Variants in NDST4 observed in about 807,000 individuals in gnomAD.
NDST4 encodes N-heparan sulfate sulfotransferase 4.
NDST4 carries 63 observed loss-of-function variants against 100.8 expected under a neutral mutation model. The ratio of observed to expected loss-of-function variants is 0.62; its 90% confidence interval spans 0.51 to 0.77. The LOEUF is 0.77. Ranked by LOEUF, NDST4 falls within the 30% of genes least tolerant of loss-of-function variation. The pLI, the probability that NDST4 is intolerant of heterozygous loss-of-function variation, is 0.00. For missense variants in NDST4, 943 were observed against 1,018.4 expected, an observed-to-expected ratio of 0.93 and a Z score of 1.01; for synonymous variants, 377 against 361.8, an observed-to-expected ratio of 1.04 and a Z score of -0.48.
At chr4:114,946,972 TG>T (rs1339249538) in intron 4 of NDST4, among the ~76,000 whole-genome samples, 3 of 152,254 alleles carry the variant, frequency 2.0e-5, no homozygotes, top group East Asian at 1.9e-4. Flanking sequence ...GTTTTTTTTT[TG>T]TTGGTCGATT....
At chr4:115,106,446 G>A (rs1444187086) in intron 1 of NDST4, among the ~76,000 whole-genome samples, 1 of 152,010 alleles carries the variant, frequency 6.6e-6, no homozygotes, top group East Asian at 1.9e-4. Context: ...TAACCCTCCA[G>A]GACCAAAATC....
At chr4:114,831,320 G>A (rs1341632549) in intron 12 of NDST4, among the ~76,000 whole-genome samples, 1 of 152,038 alleles carries the variant, frequency 6.6e-6, no homozygotes, top group Non-Finnish European at 1.5e-5. Flanking sequence ...CCAAAGTGCT[G>A]GGATTACAGG....
Position 115,022,188 on chromosome 4 carries a change from A to G in NDST4, c.979-44914T>C, listed in dbSNP as rs182174580. 6.8e-4 allele frequency among the ~76,000 whole-genome samples: 102 copies of G among 150,688 alleles called. 2 individuals carry two copies. In the East Asian group the frequency reaches 0.019, roughly 29 times the overall value. The stretch of plus-strand genomic sequence containing the variant: ...CACGTTCCACGTCTATGCACGTTCC[A>G]TATATATACACGTTCCACGTCTATG... On this transcript the variant is annotated intron_variant, in intron 2 of 13. Transcript: ENST00000264363.
chr4:115,089,287 C>T (rs1291665533), intron 1 of NDST4, among the ~76,000 whole-genome samples: 1 of 151,850 alleles, frequency 6.6e-6, no homozygotes, highest in Non-Finnish European at 1.5e-5. Flanking sequence ...TGGAAGGATG[C>T]TCAACAAAAT....
intron 4 of NDST4, among the ~76,000 whole-genome samples, chr4:114,963,404 A>G (rs947342449): frequency 2.0e-5 from 3 of 152,016 alleles, no homozygotes; most frequent in Non-Finnish European, 4.4e-5. Flanking sequence ...CAAAAAGTAA[A>G]TTAGTTATTT....
intron 2 of NDST4, among the ~76,000 whole-genome samples, chr4:115,047,279 A>G (rs773398571): frequency 1.6e-4 from 24 of 152,088 alleles, no homozygotes; most frequent in African/African-American, 5.1e-4. Context: ...CAGTCAATAT[A>G]TTTATTTTAA....
chr4:115,010,430 G>A lies in NDST4; in HGVS notation c.979-33156C>T, dbSNP rs559543284. 1.1e-4 allele frequency among the ~76,000 whole-genome samples: 14 copies of A among 127,886 alleles called. 3 individuals are homozygous for A. In the South Asian group the frequency reaches 1.2e-3, roughly 11 times the overall value. The allele number at this position is 127,886 out of a possible 152,430, so 83.9% of individuals were successfully genotyped here. On this transcript the variant is annotated intron_variant, in intron 2 of 13. Coordinates refer to ENST00000264363, the MANE Select transcript of NDST4 (RefSeq NM_022569.3). ...AAATCATCATTCTCAGTAAGCTATC[G>A]CAAGAACAAAAAAACAAACACCGCA...
At chr4:114,829,665 A>C in intron 13 of NDST4, 125 bp downstream of exon 13, 2 of 609,994 alleles carry the variant, frequency 3.3e-6, no homozygotes, top group Non-Finnish European at 5.6e-6. Context: ...TCATCCTCTA[A>C]GTATATAAAA....
chr4:114,892,614 A>T (rs1724623309), intron 6 of NDST4, among the ~76,000 whole-genome samples: 1 of 151,902 alleles, frequency 6.6e-6, no homozygotes, highest in Non-Finnish European at 1.5e-5. Context: ...CTCATTAATT[A>T]TTTGTGTGTG....
intron 2 of NDST4, among the ~76,000 whole-genome samples, chr4:115,075,475 G>A (rs1729158281): frequency 2.6e-5 from 4 of 152,038 alleles, no homozygotes; most frequent in African/African-American, 9.7e-5. Context: ...GTTCTAGCTG[G>A]GATGGGAAAG....
intron 2 of NDST4, among the ~76,000 whole-genome samples, chr4:114,980,418 G>C (rs2126245755): frequency 6.6e-6 from 1 of 152,268 alleles, no homozygotes; most frequent in African/African-American, 2.4e-5. Flanking sequence ...GAGGCAGGTG[G>C]ATCTTTTGAG....
Position 115,061,413 on chromosome 4 carries a change from C to T in NDST4, c.978+14646G>A, listed in dbSNP as rs143410033. Among the ~76,000 whole-genome samples, 536 of 152,120 alleles carry T rather than the reference C, an allele frequency of 3.5e-3. 6 individuals are homozygous for T. The highest frequency in any genetic ancestry group is 0.012 in the African/African-American group (511 of 41,480). ...GATAGGCTGGATAAAGAAAATGTGG[C>T]ACATATACACCATGGAATACTATGC... is the stretch of plus-strand genomic sequence containing the variant. On this transcript the variant is annotated intron_variant, in intron 2 of 13. Transcript: ENST00000264363.
chr4:114,906,189 A>T lies in NDST4; in HGVS notation c.1536+29017T>A, dbSNP rs556181658. Among the ~76,000 whole-genome samples the T allele has an allele frequency of 9.2e-5, 14 of 152,136 alleles. No homozygotes were observed. In the South Asian group the frequency reaches 1.9e-3, roughly 20 times the overall value. On this transcript the variant is annotated intron_variant, in intron 6 of 13. Coordinates refer to ENST00000264363, the MANE Select transcript of NDST4 (RefSeq NM_022569.3). Reference sequence around the variant, plus strand: ...TTGCCTCATTTAGGAATTCTATATTAAAAAAACAAGGGAGAAAGATTGAAA... The same window carrying T: ...TTGCCTCATTTAGGAATTCTATATTTAAAAAACAAGGGAGAAAGATTGAAA...
intron 2 of NDST4, among the ~76,000 whole-genome samples, chr4:115,045,223 C>G (rs1728439523): frequency 6.6e-6 from 1 of 151,890 alleles, no homozygotes; most frequent in Non-Finnish European, 1.5e-5. Flanking sequence ...TTGTCTATGG[C>G]ATAAAATGAT....
chr4:115,018,246 G>T (rs1300420025), intron 2 of NDST4, among the ~76,000 whole-genome samples: 1 of 151,882 alleles, frequency 6.6e-6, no homozygotes, highest in Non-Finnish European at 1.5e-5. Context: ...TAATTTCCAA[G>T]TGTCCTTAAA....
At chr4:114,999,518 A>G (rs528904470) in intron 2 of NDST4, among the ~76,000 whole-genome samples, 7 of 152,264 alleles carry the variant, frequency 4.6e-5, no homozygotes, top group African/African-American at 1.7e-4. Context: ...TTAAAAGTTT[A>G]TTATAATTCT....
intron 4 of NDST4, 132 bp downstream of exon 4, chr4:114,970,298 A>G (rs1726481884): frequency 1.4e-5 from 10 of 738,316 alleles, no homozygotes; most frequent in Non-Finnish European, 2.1e-5. Flanking sequence ...ATGTACCCTC[A>G]ATACATGTGA....
rs1018281964 is a variant in NDST4 at position 114,894,687 on chromosome 4, C to A, written c.1537-23737G>T. Among the ~76,000 whole-genome samples, 7 of 152,168 alleles carry A rather than the reference C, an allele frequency of 4.6e-5. No homozygotes were observed. In the East Asian group the frequency reaches 1.3e-3, roughly 29 times the overall value. The stretch of plus-strand genomic sequence containing the variant: ...AATACACAATCATGTCATCTGCAAA[C>A]AGAGACAACCTGACTTCCTCTCTTC... On this transcript the variant is annotated intron_variant, in intron 6 of 13. Coordinates refer to ENST00000264363, the MANE Select transcript of NDST4 (RefSeq NM_022569.3).
chr4:114,947,353 A>G (rs1473596848), intron 4 of NDST4, among the ~76,000 whole-genome samples: 1 of 152,204 alleles, frequency 6.6e-6, no homozygotes, highest in East Asian at 1.9e-4. Flanking sequence ...AGGTTGAATA[A>G]GGAGGAAAGC....
Sources: gnomAD v4.1 joint callset for allele counts (sites outside exome capture counted in the v4.1 genomes callset) on GRCh38, gnomAD v4.1.1 for gene constraint, MANE v1.5 for transcripts, NCBI Gene and HGNC (gene_info 2026-07-23, HGNC 2026-07-21) for gene names.